Variants in KCNH2 observed in about 807,000 individuals in gnomAD.
KCNH2 encodes potassium voltage-gated channel subfamily H member 2, also known as voltage-gated inwardly rectifying potassium channel KCNH2.
In KCNH2, 35 loss-of-function variants were observed where a neutral mutation model predicts 95.9. The ratio of observed to expected loss-of-function variants is 0.37; its 90% CI spans 0.28 to 0.48. The LOEUF (loss-of-function observed/expected upper bound fraction) is 0.48, where lower values mean the gene tolerates loss of function less well. Among genes scored for constraint, KCNH2 ranks in the 20% least tolerant of loss-of-function variants. The probability of loss-of-function intolerance (pLI) is 0.99; values close to 1 mark genes in which losing one functional copy is unlikely to be tolerated. For missense variants in KCNH2, 1,274 were observed against 1,702.9 expected (o/e 0.75, Z 4.43); for synonymous variants, 786 against 754.7 (o/e 1.04, Z -0.68).
chr7:150,959,827 C>A, intron 2 of KCNH2, 91 bp from the exon 3 acceptor site: 1 of 1,423,132 alleles, frequency 7.0e-7, no homozygotes, highest in East Asian at 2.3e-5. Context: ...CCAAGTGGGC[C>A]CGTCCACTTC....
chr7:150,957,813 C>T (rs1801428613), intron 4 of KCNH2, among the ~76,000 whole-genome samples: 1 of 152,180 alleles, frequency 6.6e-6, no homozygotes, highest in Admixed American at 6.5e-5. Context: ...TGCTCCAGGC[C>T]GTCCCGGGAC....
intron 5 of KCNH2, among the ~76,000 whole-genome samples, chr7:150,956,932 T>C (rs567851277): frequency 6.6e-6 from 1 of 152,202 alleles, no homozygotes; most frequent in South Asian, 2.1e-4. Flanking sequence ...CAGCCAGACC[T>C]TTCATGTCCC....
At chr7:150,949,123 AT>A in intron 9 of KCNH2, 74 bp from the exon 10 acceptor site, 1 of 1,393,204 alleles carries the variant, frequency 7.2e-7, no homozygotes, top group East Asian at 2.4e-5. Flanking sequence ...TTCTCCCGGC[AT>A]CCCCACCCCG....
chr7:150,951,872 G>C, intron 6 of KCNH2, 37 bp from the exon 7 acceptor site: 4 of 1,524,178 alleles, frequency 2.6e-6, no homozygotes, highest in Non-Finnish European at 3.5e-6. Flanking sequence ...CGTTGATGGG[G>C]CAAGGGGGGC....
rs774935929 is a variant in KCNH2 at position 150,957,344 on chromosome 7, T to C, written c.1075A>G (p.Ile359Val). Residue 359 changes from isoleucine (I) to valine (V), a missense_variant, in exon 5 of 15, where the codon ATA (isoleucine) becomes GTA (valine). Ile to Val is a conservative substitution (Grantham distance 29). Coordinates refer to ENST00000262186, the MANE Select transcript of KCNH2 (RefSeq NM_000238.4). The part of the protein sequence containing the change: ...LASPTSDREI[I>V]APKIKERTHN... ...GTTCGCTCCTTTATCTTAGGTGCTA[T>C]GATCTCACGGTCACTGGTGGGCGAA... 2 of 1,611,278 alleles carry C rather than the reference T, an allele frequency of 1.2e-6. No homozygotes were observed. The highest frequency in any genetic ancestry group is 1.1e-5 in the South Asian group (1 of 90,494).
intron 9 of KCNH2, chr7:150,949,317 G>A: frequency 7.3e-7 from 1 of 1,367,714 alleles, no homozygotes; most frequent in Non-Finnish European, 9.5e-7. Flanking sequence ...CAAACCCCAG[G>A]TCCCAAACAC....
At chr7:150,965,992 T>G (rs1801692079) in intron 2 of KCNH2, among the ~76,000 whole-genome samples, 1 of 152,244 alleles carries the variant, frequency 6.6e-6, no homozygotes, top group Non-Finnish European at 1.5e-5. Context: ...TTAAGGTGCC[T>G]TTTGATGAAG....
chr7:150,947,192 C>A, intron 13 of KCNH2, 136 bp downstream of exon 13: 1 of 1,115,270 alleles, frequency 9.0e-7, no homozygotes, highest in South Asian at 1.6e-5. Flanking sequence ...TGGCAGCCCC[C>A]AGCTGGGCTA....
chr7:150,951,856 AC>A (rs778366249), intron 6 of KCNH2, 21 bp from the exon 7 acceptor site: 89 of 1,552,280 alleles, frequency 5.7e-5, no homozygotes, highest in Middle Eastern at 1.7e-4. Flanking sequence ...GGGAAGGGGC[AC>A]ATTCCGTTGA....
At chr7:150,947,984 A>C (rs2116935012) in intron 11 of KCNH2, 106 bp from the exon 12 acceptor site, 3 of 1,341,792 alleles carry the variant, frequency 2.2e-6, no homozygotes, top group Non-Finnish European at 3.0e-6. Flanking sequence ...CTGGGCAGGA[A>C]GCCCTGGTTT....
rs1018225442 is a variant in KCNH2 at position 150,961,075 on chromosome 7, T to C, written c.308-1339A>G. On this transcript the variant is annotated intron_variant, in intron 2 of 14. Coordinates refer to ENST00000262186, the MANE Select transcript of KCNH2 (RefSeq NM_000238.4). The surrounding 1 kb of genome is among the most constrained non-coding windows in gnomAD (Gnocchi z 6.2). ...TCTCCCACTCTCCCTAGGGAGCCTC[T>C]TCCTTCCTCTCAGCTCCCCCTCTGC... Among the ~76,000 whole-genome samples, 5 of 152,136 alleles carry C rather than the reference T, an allele frequency of 3.3e-5. No individual in the cohort carries two copies. Among genetic ancestry groups the C allele is most frequent in the African/African-American group, 1.2e-4 (5 of 41,430 alleles).
At chr7:150,967,370 G>C (rs1346368320) in intron 2 of KCNH2, among the ~76,000 whole-genome samples, 1 of 152,190 alleles carries the variant, frequency 6.6e-6, no homozygotes, top group Non-Finnish European at 1.5e-5. Context: ...AATGAAGAGA[G>C]AGGATTTGCC....
rs1060500674 is a variant in KCNH2 at position 150,959,593 on chromosome 7, G to C, written c.451C>G (p.Pro151Ala). The C allele has an allele frequency of 5.0e-6, 8 of 1,614,090 alleles. No homozygotes were observed. Among genetic ancestry groups the C allele is most frequent in the Non-Finnish European group, 6.8e-6 (8 of 1,179,982 alleles). ...TTACCTGGGGCCAGCCAGCTGGTGG[G>C]GGGGCCCCGGTGGTTGGTGTCATGA... The part of the protein sequence containing the change: ...PAHDTNHRGP[P>A]TSWLAPGRAK... The change falls in exon 3 of 15, where the codon CCC becomes GCC. Residue 151 changes from proline (P) to alanine (A), a missense_variant. Pro to Ala is a conservative substitution (Grantham distance 27). This residue lies in a region of KCNH2 where 392 missense variants were observed against 429.9 expected (regional missense o/e 0.91). Coordinates refer to ENST00000262186, the MANE Select transcript of KCNH2 (RefSeq NM_000238.4).
chr7:150,970,009 A>G lies in KCNH2; in HGVS notation c.307+4702T>C, dbSNP rs1158212015. Among the ~76,000 whole-genome samples the G allele has an allele frequency of 5.3e-5, 8 of 152,196 alleles. No individual in the cohort carries two copies. The South Asian group carries it at 1.7e-3, about 32-fold the overall frequency. The stretch of plus-strand genomic sequence containing the variant: ...CCTGACTCCCATGGCCCTCCTGCCC[A>G]CGTCGGGAGGGAAGTTCTGTTAAAC... On this transcript the variant is annotated intron_variant, in intron 2 of 14. Coordinates refer to ENST00000262186, the MANE Select transcript of KCNH2 (RefSeq NM_000238.4).
intron 2 of KCNH2, 33 bp from the exon 3 acceptor site, chr7:150,959,769 C>A (rs1801504141): frequency 6.2e-7 from 1 of 1,613,568 alleles, no homozygotes; most frequent in Admixed American, 1.7e-5. Flanking sequence ...CCCCTTGGCA[C>A]CCACTCAGTG....
Position 150,945,091 on chromosome 7 carries a change from A to G in KCNH2, c.*274T>C. The G allele has an allele frequency of 4.1e-6, 2 of 485,450 alleles. No homozygotes were observed. Among genetic ancestry groups the G allele is most frequent in the South Asian group, 4.1e-5 (1 of 24,600 alleles). 30.1% of individuals were successfully genotyped at this position (485,450 alleles called of 1,614,324 possible). A position where few individuals can be genotyped will look rare whatever the true frequency, so the allele number is the denominator to read the frequency against. On this transcript the variant is annotated 3_prime_UTR_variant, in exon 15 of 15. Transcript: ENST00000262186. This position sits in a 1 kb window ranked among gnomAD's most constrained non-coding sequence, Gnocchi z 5.6. ...AAAGTCCTTGAGGTGCCTAAGGCCC[A>G]GGGCCGGGTGCCTCCGGGCAGTTAG... is the stretch of plus-strand genomic sequence containing the variant.
chr7:150,948,539 T>C lies in KCNH2; in HGVS notation c.2597A>G (p.Asn866Ser), dbSNP rs1303408486. 2 of 1,613,502 alleles carry C rather than the reference T, an allele frequency of 1.2e-6. No homozygotes were observed. Among genetic ancestry groups the C allele is most frequent in the Non-Finnish European group, 1.7e-6 (2 of 1,179,964 alleles). ...LEITFNLRDT[N>S]MIPGSPGSTE... ...ACTGCCGGGGGAGCCCGGGATCATGTTGGTCTGGAACCAAAATCAGTATCA... is the reference window on the plus strand; with the variant it reads ...ACTGCCGGGGGAGCCCGGGATCATGCTGGTCTGGAACCAAAATCAGTATCA... Residue 866 changes from asparagine to serine, a missense_variant, in exon 11 of 15, where the codon AAC becomes AGC. Asn to Ser is a conservative substitution (Grantham distance 46). Around this residue, in one of 7 missense-constraint regions of KCNH2, gnomAD observed 159 missense variants for 282.5 expected, o/e 0.56. Coordinates refer to ENST00000262186, the MANE Select transcript of KCNH2 (RefSeq NM_000238.4).
rs1184686396 is a variant in KCNH2 at position 150,948,035 on chromosome 7, A to AAG, written c.2693-158_2693-157insCT. Among the ~76,000 whole-genome samples, 5 of 152,318 alleles carry AAG rather than the reference A, an allele frequency of 3.3e-5. No homozygotes were observed. In the East Asian group the frequency reaches 9.7e-4, roughly 29 times the overall value. ...TTCTGCTATCTTGCACCCACTGTCA[A>AAG]GCCGACCAAGAACTCCCAGGACCCC... On this transcript the variant is annotated intron_variant, in intron 11 of 14. Coordinates refer to ENST00000262186, the MANE Select transcript of KCNH2 (RefSeq NM_000238.4).
chr7:150,960,116 G>A (rs564233820), intron 2 of KCNH2, among the ~76,000 whole-genome samples: 3 of 151,384 alleles, frequency 2.0e-5, no homozygotes, highest in East Asian at 2.0e-4. Flanking sequence ...TCCCTCAAGC[G>A]AGGCGCTGTA....
Sources: allele counts gnomAD v4.1 joint callset (sites outside exome capture counted in the v4.1 genomes callset), GRCh38; gene constraint gnomAD v4.1.1; regional missense constraint gnomAD v4.1.1; non-coding constraint Gnocchi (gnomAD v3.1); transcripts MANE v1.5; gene names NCBI Gene and HGNC (gene_info 2026-07-23, HGNC 2026-07-21).